Variants in KIF1B observed in about 807,000 individuals in gnomAD.
KIF1B encodes kinesin-like protein KIF1B.
A neutral mutation model predicts 241.9 loss-of-function variants in KIF1B; 76 were observed. The observed-to-expected ratio is 0.31, with a 90% CI of 0.26 to 0.38. The LOEUF is 0.38. Among genes scored for constraint, KIF1B ranks in the 10% least tolerant of loss-of-function variants. KIF1B has a pLI of 1.00. For missense variants in KIF1B, 1,622 were observed against 2,271.4 expected (o/e 0.71, Z 5.81); for synonymous variants, 750 against 796.7 (o/e 0.94, Z 0.99).
intron 7 of KIF1B, among the ~76,000 whole-genome samples, chr1:10,268,929 G>C (rs1175091670): frequency 2.0e-5 from 3 of 152,064 alleles, no homozygotes; most frequent in African/African-American, 7.2e-5. Flanking sequence ...AAAAGATTAA[G>C]CGTTAATATA....
At chr1:10,248,842 T>C (rs1647293211) in intron 2 of KIF1B, among the ~76,000 whole-genome samples, 1 of 152,148 alleles carries the variant, frequency 6.6e-6, no homozygotes, top group Admixed American at 6.5e-5. Context: ...TCCCAGATCA[T>C]CTGTGGAATG....
chr1:10,370,770 A>G (rs900672956), intron 44 of KIF1B, among the ~76,000 whole-genome samples: 24 of 152,064 alleles, frequency 1.6e-4, no homozygotes, highest in African/African-American at 5.8e-4. Flanking sequence ...CTTAGGCCGT[A>G]AAATATTTGT....
At chr1:10,335,416 G>A (rs1482233099) in intron 28 of KIF1B, among the ~76,000 whole-genome samples, 2 of 151,984 alleles carry the variant, frequency 1.3e-5, no homozygotes, top group African/African-American at 4.8e-5. Context: ...TCACACCCAG[G>A]TAATTTTTAT....
At chr1:10,231,364 G>A (rs983166108) in intron 1 of KIF1B, among the ~76,000 whole-genome samples, 1 of 148,664 alleles carries the variant, frequency 6.7e-6, no homozygotes, top group Non-Finnish European at 1.5e-5. Context: ...TTAATGTATG[G>A]AGAGTTCAGT....
intron 1 of KIF1B, among the ~76,000 whole-genome samples, chr1:10,212,161 T>G (rs149076858): frequency 1.1e-4 from 16 of 152,320 alleles, no homozygotes; most frequent in African/African-American, 3.8e-4. Flanking sequence ...CTGAGCCTGA[T>G]GAAAGTGTGC....
At chr1:10,249,764 A>G (rs939895181) in intron 2 of KIF1B, among the ~76,000 whole-genome samples, 1 of 152,166 alleles carries the variant, frequency 6.6e-6, no homozygotes, top group African/African-American at 2.4e-5. Flanking sequence ...TTAGCCGTGC[A>G]TGGTGGCACG....
At position 10,307,337 on chromosome 1, in the gene KIF1B, T is replaced by C. The variant is rs1482164625; in HGVS notation, c.2115+10091T>C. On this transcript the variant is annotated intron_variant, in intron 22 of 48. Transcript: ENST00000676179. The stretch of plus-strand genomic sequence containing the variant: ...TTTTGTTATTGTTGTTTTGTGATAG[T>C]CTTGCTCTGTCGCCCAGGCTGCAGT... 3.1e-6 allele frequency: 3 copies of C among 981,814 alleles called. No homozygotes were observed. In the East Asian group the frequency reaches 2.1e-4, roughly 70 times the overall value. 60.8% of individuals were successfully genotyped at this position (981,814 alleles called of 1,614,324 possible).
chr1:10,308,907 A>G (rs1650951704), intron 22 of KIF1B, among the ~76,000 whole-genome samples: 1 of 152,230 alleles, frequency 6.6e-6, no homozygotes, highest in South Asian at 2.1e-4. Context: ...TAGTTTAACC[A>G]TGTTTTCAGT....
intron 40 of KIF1B, among the ~76,000 whole-genome samples, chr1:10,362,808 T>C (rs992284479): frequency 3.3e-5 from 5 of 152,188 alleles, no homozygotes; most frequent in African/African-American, 1.2e-4. Context: ...TGGTGGCTTA[T>C]GCCTATAATC....
intron 3 of KIF1B, among the ~76,000 whole-genome samples, 189 bp from the exon 4 acceptor site, chr1:10,258,304 G>T (rs1557669857): frequency 6.6e-6 from 1 of 151,500 alleles, no homozygotes; most frequent in African/African-American, 2.4e-5. Flanking sequence ...ATGTGTTTGT[G>T]AGTGTGTGTG....
intron 15 of KIF1B, 52 bp from the exon 16 acceptor site, chr1:10,291,030 A>G: frequency 2.9e-6 from 4 of 1,368,798 alleles, no homozygotes; most frequent in Non-Finnish European, 4.2e-6. Flanking sequence ...CTAGCATGGT[A>G]TGTTAAATTA....
In KIF1B at chr1:10,282,472, C is replaced by T; in HGVS notation, c.1373C>T (p.Thr458Ile). Residue 458 changes from threonine (T) to isoleucine (I), a missense_variant, in exon 15 of 49, where the codon ACC (threonine) becomes ATC (isoleucine). Around this residue, in one of 7 missense-constraint regions of KIF1B, gnomAD observed 201 missense variants for 301.2 expected, o/e 0.67. Transcript: ENST00000676179. Reference sequence around the variant, plus strand: ...AGTCAGGTGGGCTTGACGTCTGTGACCAGTATTCAAGAGAGGATCATGTCT... The same window carrying T: ...AGTCAGGTGGGCTTGACGTCTGTGATCAGTATTCAAGAGAGGATCATGTCT... ...LSSQVGLTSVTSIQERIMSTP... is the reference protein window; with the variant it reads ...LSSQVGLTSVISIQERIMSTP... 1 of 1,614,048 alleles carries T rather than the reference C, an allele frequency of 6.2e-7. No individual in the cohort carries two copies.
chr1:10,271,658 C>T, intron 8 of KIF1B, 79 bp downstream of exon 8: 1 of 941,728 alleles, frequency 1.1e-6, no homozygotes, highest in South Asian at 1.3e-5. Context: ...TATTGAAACA[C>T]AGCTACATAC....
intron 14 of KIF1B, among the ~76,000 whole-genome samples, chr1:10,281,006 A>T (rs1000000634): frequency 3.3e-5 from 5 of 151,996 alleles, no homozygotes; most frequent in African/African-American, 1.2e-4. Flanking sequence ...TTTTGCTCTA[A>T]TCCCTATCCC....
At position 10,377,592 on chromosome 1, in the gene KIF1B, G is replaced by A. The variant is rs1257395438; in HGVS notation, c.*1005G>A. ...GTCATACACAAATGTTCCACAAGGC[G>A]GGAGTGTTTCACTTTCTGGTGATAA... On this transcript the variant is annotated 3_prime_UTR_variant, in exon 49 of 49. Transcript: ENST00000676179. The A allele has an allele frequency of 1.4e-5, 3 of 216,244 alleles. No individual in the cohort carries two copies. The highest frequency in any genetic ancestry group is 2.8e-5 in the Non-Finnish European group (3 of 107,476). 13.4% of individuals were successfully genotyped at this position (216,244 alleles called of 1,614,324 possible). A position where few individuals can be genotyped will look rare whatever the true frequency, so the allele number is the denominator to read the frequency against.
At chr1:10,348,528 G>A (rs967829342) in intron 36 of KIF1B, 121 bp from the exon 37 acceptor site, 26 of 748,844 alleles carry the variant, frequency 3.5e-5, no homozygotes, top group Non-Finnish European at 4.3e-5. Flanking sequence ...AGCATTTTCC[G>A]TCTTTCCACA....
At chr1:10,328,605 A>G (rs1044456395) in intron 27 of KIF1B, among the ~76,000 whole-genome samples, 1 of 152,250 alleles carries the variant, frequency 6.6e-6, no homozygotes. Context: ...ATCCTGTTCT[A>G]AGGGAGTTGG....
At position 10,212,644 on chromosome 1, in the gene KIF1B, G is replaced by C. The variant is rs1490120760; in HGVS notation, c.-80+1766G>C. 2.0e-5 allele frequency among the ~76,000 whole-genome samples: 3 copies of C among 152,000 alleles called. No homozygotes were observed. In the East Asian group the frequency reaches 5.8e-4, roughly 29 times the overall value. On this transcript the variant is annotated intron_variant, in intron 1 of 48. Transcript: ENST00000676179. ...ATGCCTTGTAATCCCAACACTTTGG[G>C]AGGCTGAGACAGGAGGATCCCTTGA...
At chr1:10,220,116 C>T (rs1646821548) in intron 1 of KIF1B, among the ~76,000 whole-genome samples, 1 of 150,952 alleles carries the variant, frequency 6.6e-6, no homozygotes, top group Non-Finnish European at 1.5e-5. Context: ...GTAGGAGAAT[C>T]ACTTGAACCC....
Sources: allele counts gnomAD v4.1 joint callset (sites outside exome capture counted in the v4.1 genomes callset), GRCh38; gene constraint gnomAD v4.1.1; regional missense constraint gnomAD v4.1.1; transcripts MANE v1.5; gene names NCBI Gene and HGNC (gene_info 2026-07-23, HGNC 2026-07-21).